L3MBTL4: variants seen among roughly 807,000 people sequenced by gnomAD.
L3MBTL4 encodes the protein L3MBTL histone methyl-lysine binding protein 4.
L3MBTL4 carries 70 observed loss-of-function variants against 84.5 expected under a neutral mutation model. The observed-to-expected ratio is 0.83, with a 90% confidence interval of 0.68 to 1.01. L3MBTL4 has a LOEUF of 1.01. Among genes scored for constraint, L3MBTL4 ranks in the 50% least tolerant of loss-of-function variants. The pLI, the probability that L3MBTL4 is intolerant of heterozygous loss-of-function variation, is 0.00. For synonymous variants in L3MBTL4, 274 were observed against 259.8 expected, an observed-to-expected ratio of 1.05 and a Z score of -0.52; for missense variants, 715 against 754.8, an observed-to-expected ratio of 0.95 and a Z score of 0.62.
intron 13 of L3MBTL4, among the ~76,000 whole-genome samples, chr18:6,164,529 C>T (rs537632076): frequency 5.3e-5 from 8 of 152,202 alleles, no homozygotes; most frequent in Non-Finnish European, 5.9e-5. Flanking sequence ...CACCAATGTA[C>T]GCTGTTCTGC....
intron 14 of L3MBTL4, among the ~76,000 whole-genome samples, chr18:6,108,182 A>G (rs571142507): frequency 1.3e-5 from 2 of 152,302 alleles, no homozygotes; most frequent in South Asian, 4.1e-4. Flanking sequence ...TGGATAGTTA[A>G]TGACAGCCAT....
rs892734865 is a variant in L3MBTL4 at position 6,317,907 on chromosome 18, T to A, written c.-90-5851A>T. ...TCTATCAAACTAACAGCAGTCTTCT[T>A]AGCAGAAATCTTAAAAGCCAGAAGG... On this transcript the variant is annotated intron_variant, in intron 1 of 18. Coordinates refer to ENST00000317931, the MANE Select transcript of L3MBTL4 (RefSeq NM_001330559.2). Among the ~76,000 whole-genome samples, 5 of 152,190 alleles carry A rather than the reference T, an allele frequency of 3.3e-5. No individual in the cohort carries two copies. The South Asian group carries it at 1.0e-3, about 32-fold the overall frequency.
chr18:6,311,602 C>T lies in L3MBTL4; in HGVS notation c.24G>A (p.Arg8=). The change falls in exon 3 of 19, where the codon AGG becomes AGA. Residue 8 remains arginine, a synonymous_variant. Transcript: ENST00000317931. MKQPNRK[R]KLNMDSKERL... ...GCTCTTTGGAATCCATATTAAGCTT[C>T]CTTTTCCTGTTGGGCTGTTTCATTG... is the stretch of plus-strand genomic sequence containing the variant. 1 of 1,613,724 alleles carries T rather than the reference C, an allele frequency of 6.2e-7. No homozygotes were observed.
chr18:6,084,320 G>A (rs2058183757), intron 15 of L3MBTL4, among the ~76,000 whole-genome samples: 1 of 152,152 alleles, frequency 6.6e-6, no homozygotes, highest in South Asian at 2.1e-4. Flanking sequence ...TGGCTGAACT[G>A]AGTAGTTGTA....
chr18:6,293,470 A>G (rs1305159718), intron 4 of L3MBTL4, among the ~76,000 whole-genome samples: 2 of 152,222 alleles, frequency 1.3e-5, no homozygotes, highest in East Asian at 1.9e-4. Context: ...AAATAATGAA[A>G]AAAAAGGATT....
intron 16 of L3MBTL4, chr18:6,030,502 T>C: frequency 6.3e-6 from 1 of 157,966 alleles, no homozygotes; most frequent in Middle Eastern, 2.8e-3. Flanking sequence ...GAAGAGACTC[T>C]TTTTTTTTTT....
chr18:5,976,923 T>G (rs1458235686), intron 16 of L3MBTL4, among the ~76,000 whole-genome samples: 1 of 152,162 alleles, frequency 6.6e-6, no homozygotes, highest in Non-Finnish European at 1.5e-5. Context: ...AGCTGCTGTT[T>G]CCTTACCAGG....
In L3MBTL4 at chr18:5,969,061, G is replaced by T. The variant is rs568394276; in HGVS notation, c.1614+332C>A. On this transcript the variant is annotated intron_variant, in intron 17 of 18. Coordinates refer to ENST00000317931, the MANE Select transcript of L3MBTL4 (RefSeq NM_001330559.2). The stretch of plus-strand genomic sequence containing the variant: ...CTCAGATGCTTGCACATTTGTGCTT[G>T]CCCAAATTAAATCTCTGATATGGAA... Among the ~76,000 whole-genome samples, 41 of 152,198 alleles carry T rather than the reference G, an allele frequency of 2.7e-4. No individual in the cohort carries two copies. In the South Asian group the frequency reaches 7.7e-3, roughly 28 times the overall value.
intron 16 of L3MBTL4, among the ~76,000 whole-genome samples, chr18:6,036,367 G>GTT (rs371302515): frequency 6.7e-6 from 1 of 150,300 alleles, no homozygotes; most frequent in African/African-American, 2.4e-5. Flanking sequence ...TGCTGATTCT[G>GTT]TTTTTTTTTC....
rs139930761 is a variant in L3MBTL4 at position 5,957,829 on chromosome 18, C to T, written c.1678-1442G>A. Among the ~76,000 whole-genome samples the T allele has an allele frequency of 9.9e-4, 150 of 151,352 alleles. 1 individual carries two copies. Among genetic ancestry groups the T allele is most frequent in the African/African-American group, 3.5e-3 (145 of 41,212 alleles). On this transcript the variant is annotated intron_variant, in intron 18 of 18. Transcript: ENST00000317931. ...ACTGAAAATACAAAAATTAGCCAGG[C>T]GTAGTGGCATGCGCCTGTAGTCCCA...
Position 6,263,001 on chromosome 18 carries a change from C to T in L3MBTL4, c.219+946G>A, listed in dbSNP as rs112852583. Among the ~76,000 whole-genome samples, 1,444 of 152,240 alleles carry T rather than the reference C, an allele frequency of 9.5e-3. 23 individuals are homozygous for T. Among genetic ancestry groups the T allele is most frequent in the African/African-American group, 0.032 (1,345 of 41,534 alleles). ...CTGCTGTAAAGAAATGGGCTGGGCA[C>T]GGCGGCTTACGCCTGTAATCCCCGG... On this transcript the variant is annotated intron_variant, in intron 5 of 18. Transcript: ENST00000317931.
intron 16 of L3MBTL4, among the ~76,000 whole-genome samples, chr18:6,057,985 T>C (rs889418824): frequency 6.6e-6 from 1 of 152,216 alleles, no homozygotes; most frequent in Non-Finnish European, 1.5e-5. Context: ...AAATTTCTTG[T>C]GTCTTAACTT....
chr18:6,405,390 C>T (rs1490094193), intron 1 of L3MBTL4, among the ~76,000 whole-genome samples: 2 of 152,220 alleles, frequency 1.3e-5, no homozygotes, highest in South Asian at 2.1e-4. Context: ...GTAATGCAGC[C>T]CTGCCGCTCT....
chr18:6,240,774 G>A (rs891177971), intron 8 of L3MBTL4, among the ~76,000 whole-genome samples: 2 of 152,200 alleles, frequency 1.3e-5, no homozygotes, highest in African/African-American at 4.8e-5. Flanking sequence ...CAGAAGTGAT[G>A]TCTGGAGAAA....
At chr18:6,119,505 G>GA (rs111286447) in intron 14 of L3MBTL4, among the ~76,000 whole-genome samples, 2,973 of 152,302 alleles carry the variant, frequency 0.02, 112 homozygotes, top group African/African-American at 0.068. Context: ...GGTGGTAGGG[G>GA]TGAGAGAAAG....
intron 16 of L3MBTL4, among the ~76,000 whole-genome samples, chr18:6,071,092 T>G: frequency 6.6e-6 from 1 of 152,118 alleles, no homozygotes; most frequent in South Asian, 2.1e-4. Context: ...AAAACAATTA[T>G]AGAGATGGTA....
intron 1 of L3MBTL4, among the ~76,000 whole-genome samples, chr18:6,388,751 A>G (rs574645284): frequency 6.6e-6 from 1 of 152,208 alleles, no homozygotes; most frequent in Non-Finnish European, 1.5e-5. Context: ...ATCAGCTCAG[A>G]GGTGGAACTG....
In L3MBTL4 at chr18:5,958,074, AAG is replaced by A. The variant is rs1179030899; in HGVS notation, c.1678-1689_1678-1688del. Among the ~76,000 whole-genome samples the A allele has an allele frequency of 1.7e-4, 7 of 41,690 alleles. No individual in the cohort carries two copies. In the African/African-American group the frequency reaches 2.2e-3, roughly 13 times the overall value. The allele number at this position is 41,690 out of a possible 152,430, so 27.4% of individuals were successfully genotyped here. A position where few individuals can be genotyped will look rare whatever the true frequency, so the allele number is the denominator to read the frequency against. ...GGAGAAGGAGAAGGAGAAGAAGAAGAAGAAGAAGAAGAAGAAGAAGAAGAAGA... is the reference window on the plus strand; with the variant it reads ...GGAGAAGGAGAAGGAGAAGAAGAAGAAAGAAGAAGAAGAAGAAGAAGAAGA... On this transcript the variant is annotated intron_variant, in intron 18 of 18. Coordinates refer to ENST00000317931, the MANE Select transcript of L3MBTL4 (RefSeq NM_001330559.2).
At position 5,956,141 on chromosome 18, in the gene L3MBTL4, T is replaced by C; in HGVS notation, c.*79A>G. 1 of 1,204,210 alleles carries C rather than the reference T, an allele frequency of 8.3e-7. No homozygotes were observed. Among genetic ancestry groups the C allele is most frequent in the Non-Finnish European group, 1.2e-6 (1 of 835,686 alleles). The allele number at this position is 1,204,210 out of a possible 1,614,324, so 74.6% of individuals were successfully genotyped here. On this transcript the variant is annotated 3_prime_UTR_variant, in exon 19 of 19. Coordinates refer to ENST00000317931, the MANE Select transcript of L3MBTL4 (RefSeq NM_001330559.2). ...AGTGTGGATACGGCCATGGGGACAT[T>C]CACATCAAATTAATGTGCTCCACTT... is the stretch of plus-strand genomic sequence containing the variant.
Sources: allele counts gnomAD v4.1 joint callset (sites outside exome capture counted in the v4.1 genomes callset), GRCh38; gene constraint gnomAD v4.1.1; transcripts MANE v1.5; gene names NCBI Gene and HGNC (gene_info 2026-07-23, HGNC 2026-07-21).